The following USP34 variants were observed in gnomAD, a reference collection of about 807,000 sequenced individuals.
USP34 encodes the protein ubiquitin carboxyl-terminal hydrolase 34.
USP34 carries 70 observed loss-of-function variants against 460.3 expected under a neutral mutation model. That is an observed-to-expected ratio of 0.15 (90% confidence interval 0.13 to 0.19). The LOEUF (loss-of-function observed/expected upper bound fraction) is 0.19. USP34 is among the 10% of genes least tolerant of loss of function. The pLI is 1.00. For missense variants in USP34, 3,985 were observed against 4,236.2 expected, an observed-to-expected ratio of 0.94 and a Z score of 1.65; for synonymous variants, 1,647 against 1,405.3, an observed-to-expected ratio of 1.17 and a Z score of -3.85.
At position 61,223,280 on chromosome 2, in the gene USP34, G is replaced by C. The variant is rs1687640411; in HGVS notation, c.7612C>G (p.Gln2538Glu). The C allele has an allele frequency of 6.2e-7, 1 of 1,613,828 alleles. No homozygotes were observed. The highest frequency in any genetic ancestry group is 8.5e-7 in the Non-Finnish European group (1 of 1,179,908). Residue 2538 changes from glutamine to glutamate, a missense_variant, in exon 63 of 80, where the codon CAG becomes GAG. By Grantham distance (29) the Gln-to-Glu change is conservative. Transcript: ENST00000398571. ...SRSERHLTLS[Q>E]TDMAALTGGK... The stretch of plus-strand genomic sequence containing the variant: ...CCTGTTAATGCTGCCATGTCAGTCT[G>C]TGATAATGTCAAATGCCTGAAAGAA...
chr2:61,217,967 A>G (rs1687450690), intron 67 of USP34, among the ~76,000 whole-genome samples: 1 of 152,096 alleles, frequency 6.6e-6, no homozygotes, highest in Non-Finnish European at 1.5e-5. Flanking sequence ...AAGAAAATAA[A>G]TAAATAAGAA....
At chr2:61,468,283 C>G (rs1695845847) in intron 1 of USP34, among the ~76,000 whole-genome samples, 2 of 152,218 alleles carry the variant, frequency 1.3e-5, no homozygotes, top group South Asian at 4.1e-4. Flanking sequence ...CCTCCGGGTT[C>G]AAGCAATTCT....
At chr2:61,318,220 T>C (rs1572930009) in intron 22 of USP34, among the ~76,000 whole-genome samples, 1 of 150,414 alleles carries the variant, frequency 6.6e-6, no homozygotes, top group African/African-American at 2.4e-5. Context: ...AAAATATATA[T>C]GTGATTTAAT....
At chr2:61,264,503 T>C (rs1423222048) in intron 43 of USP34, among the ~76,000 whole-genome samples, 1 of 151,672 alleles carries the variant, frequency 6.6e-6, no homozygotes, top group Non-Finnish European at 1.5e-5. Context: ...CCGCCAGGCA[T>C]GGTGGCATAT....
In USP34 at chr2:61,406,142, A is replaced by G; in HGVS notation, c.132-14T>C. 6.6e-7 allele frequency: 1 copy of G among 1,508,438 alleles called. No individual in the cohort carries two copies. Among genetic ancestry groups the G allele is most frequent in the Non-Finnish European group, 8.8e-7 (1 of 1,131,122 alleles). 93.4% of individuals were successfully genotyped at this position (1,508,438 alleles called of 1,614,324 possible). A position where few individuals can be genotyped will look rare whatever the true frequency, so the allele number is the denominator to read the frequency against. On this transcript the variant is annotated splice_polypyrimidine_tract_variant and intron_variant, in intron 2 of 79. Coordinates refer to ENST00000398571, the MANE Select transcript of USP34 (RefSeq NM_014709.4). ...CATAGACATTGCCTATAAGAGAAAA[A>G]AAATTGAATAAATTAGTAATAAAGC...
chr2:61,388,446 C>G (rs1203552908), intron 5 of USP34, among the ~76,000 whole-genome samples: 4 of 120,210 alleles, frequency 3.3e-5, no homozygotes, highest in African/African-American at 1.3e-4. Flanking sequence ...TGTGGGGGTA[C>G]AGGGGAGTTT....
intron 2 of USP34, among the ~76,000 whole-genome samples, chr2:61,409,035 T>C (rs1235538391): frequency 6.6e-6 from 1 of 150,782 alleles, no homozygotes. Context: ...GCCTGACCAA[T>C]ACAGCAAAAC....
intron 41 of USP34, among the ~76,000 whole-genome samples, chr2:61,270,514 C>A (rs995828303): frequency 6.6e-6 from 1 of 152,204 alleles, no homozygotes; most frequent in Non-Finnish European, 1.5e-5. Context: ...CGGCTCACTG[C>A]AGCCTCCACC....
intron 1 of USP34, among the ~76,000 whole-genome samples, chr2:61,450,535 G>A (rs1695240069): frequency 6.6e-6 from 1 of 152,110 alleles, no homozygotes; most frequent in South Asian, 2.1e-4. Context: ...GCTGAGGTAG[G>A]GAGATCACTT....
chr2:61,190,709 C>G (rs373785738), intron 76 of USP34, 51 bp from the exon 77 acceptor site: 1 of 1,557,702 alleles, frequency 6.4e-7, no homozygotes, highest in Non-Finnish European at 8.6e-7. Flanking sequence ...ACGGAAAAAA[C>G]TTACACGGAA....
intron 1 of USP34, among the ~76,000 whole-genome samples, chr2:61,458,451 C>T (rs1431727048): frequency 6.6e-6 from 1 of 150,762 alleles, no homozygotes; most frequent in Non-Finnish European, 1.5e-5. Context: ...ATCCCAGCTA[C>T]TCGGGAGGCT....
chr2:61,270,624 C>T (rs1391328589), intron 41 of USP34, among the ~76,000 whole-genome samples: 1 of 151,942 alleles, frequency 6.6e-6, no homozygotes, highest in African/African-American at 2.4e-5. Context: ...TTAGTAGAGA[C>T]TGGGTTTCAC....
rs542883857 is a variant in USP34, at chr2:61,238,127, C to T, written c.6778-1738G>A. 1.7e-4 allele frequency among the ~76,000 whole-genome samples: 26 copies of T among 152,012 alleles called. 1 individual carries two copies. Among genetic ancestry groups the T allele is most frequent in the Middle Eastern group, 3.4e-3 (1 of 294 alleles). On this transcript the variant is annotated intron_variant, in intron 53 of 79. Coordinates refer to ENST00000398571, the MANE Select transcript of USP34 (RefSeq NM_014709.4). Reference sequence around the variant, plus strand: ...GCCAGGCTGGTCTCGAACTGCTGACCTCAAGTGATCCACCTGCCTCAGCCT... The same window carrying T: ...GCCAGGCTGGTCTCGAACTGCTGACTTCAAGTGATCCACCTGCCTCAGCCT...
intron 25 of USP34, 150 bp from the exon 26 acceptor site, chr2:61,312,060 G>C (rs1221581862): frequency 2.1e-6 from 2 of 931,998 alleles, no homozygotes; most frequent in East Asian, 5.8e-5. Context: ...TTTAAGTTCA[G>C]ATTCATCATA....
In USP34 at chr2:61,314,607, G is replaced by A; in HGVS notation, c.3520C>T (p.His1174Tyr). 6.5e-7 allele frequency: 1 copy of A among 1,544,408 alleles called. No homozygotes were observed. The highest frequency in any genetic ancestry group is 8.7e-7 in the Non-Finnish European group (1 of 1,154,638). The change falls in exon 25 of 80, where the codon CAT becomes TAT. Residue 1174 changes from histidine to tyrosine, a missense_variant. Physicochemically the swap from His to Tyr is moderately conservative, Grantham distance 83. Around this residue, in one of 14 missense-constraint regions of USP34, gnomAD observed 1,114 missense variants for 1,122.5 expected, o/e 0.99. Coordinates refer to ENST00000398571, the MANE Select transcript of USP34 (RefSeq NM_014709.4). ...IERGLLMLKT[H>Y]LEAFRRRFAY... Reference sequence around the variant, plus strand: ...TACCTTCTCCTAAACGCTTCCAGATGTGTCTTCAGCATAAGGAGTCCTCTT... The same window carrying A: ...TACCTTCTCCTAAACGCTTCCAGATATGTCTTCAGCATAAGGAGTCCTCTT...
At chr2:61,385,467 C>T (rs548318431) in intron 5 of USP34, among the ~76,000 whole-genome samples, 101 of 151,574 alleles carry the variant, frequency 6.7e-4, no homozygotes, top group Non-Finnish European at 1.3e-3. Context: ...GTCAGGAGAT[C>T]GAGACCATCC....
intron 1 of USP34, among the ~76,000 whole-genome samples, chr2:61,434,282 G>A (rs1186697): frequency 0.66 from 99,746 of 152,030 alleles, 32,936 homozygotes; most frequent in African/African-American, 0.73. Context: ...CCCCAGGCCA[G>A]CCAGGCAGCC....
intron 10 of USP34, among the ~76,000 whole-genome samples, chr2:61,369,642 CAAAAAAAAAA>C (rs57947331): frequency 9.2e-5 from 4 of 43,428 alleles, no homozygotes; most frequent in South Asian, 1.3e-3. Flanking sequence ...GATTCCGTCT[CAAAAAAAAAA>C]AAAAAAAAAA....
At chr2:61,438,324 A>AT (rs1383802481) in intron 1 of USP34, among the ~76,000 whole-genome samples, 3 of 152,014 alleles carry the variant, frequency 2.0e-5, no homozygotes, top group Non-Finnish European at 4.4e-5. Context: ...TAAAAAAAAA[A>AT]CTCTAGGCCA....
Sources: gnomAD v4.1 joint callset for allele counts (sites outside exome capture counted in the v4.1 genomes callset) on GRCh38, gnomAD v4.1.1 for gene constraint, gnomAD v4.1.1 regional missense constraint, MANE v1.5 for transcripts, NCBI Gene and HGNC (gene_info 2026-07-23, HGNC 2026-07-21) for gene names.